Variants in AFF4 observed in about 807,000 individuals in gnomAD.
AFF4 encodes the protein AF4/FMR2 family member 4.
In AFF4, 13 loss-of-function variants were observed where a neutral mutation model predicts 124.8. The ratio of observed to expected loss-of-function variants is 0.10; its 90% CI spans 0.07 to 0.17. AFF4 has a LOEUF of 0.17. Among genes scored for constraint, AFF4 ranks in the 10% least tolerant of loss-of-function variants. The probability of loss-of-function intolerance (pLI) is 1.00; values close to 1 mark genes in which losing one functional copy is unlikely to be tolerated. For synonymous variants in AFF4, 477 were observed against 496.1 expected (o/e 0.96, Z 0.51); for missense variants, 1,092 against 1,403.8 (o/e 0.78, Z 3.55).
chr5:132,875,422 T>G lies in AFF4; in HGVS notation c.*5637A>C, dbSNP rs2150056935. 1 of 179,806 alleles carries G rather than the reference T, an allele frequency of 5.6e-6. No individual in the cohort carries two copies. The highest frequency in any genetic ancestry group is 9.2e-5 in the East Asian group (1 of 10,884). 11.1% of individuals were successfully genotyped at this position (179,806 alleles called of 1,614,324 possible). The stretch of plus-strand genomic sequence containing the variant: ...TAATACAGAAAATCTATTTGATATT[T>G]ATTAAACTTAGTTTCTCCAACTATG... On this transcript the variant is annotated 3_prime_UTR_variant, in exon 21 of 21. Transcript: ENST00000265343.
intron 1 of AFF4, among the ~76,000 whole-genome samples, chr5:132,962,774 T>C (rs546789384): frequency 6.6e-6 from 1 of 150,750 alleles, no homozygotes; most frequent in Admixed American, 6.6e-5. Flanking sequence ...GTCAATCCCC[T>C]TCGCAAGTCG....
intron 20 of AFF4, 115 bp downstream of exon 20, chr5:132,883,225 T>G: frequency 1.0e-6 from 1 of 995,168 alleles, no homozygotes; most frequent in Non-Finnish European, 1.5e-6. Flanking sequence ...AACAAACAGA[T>G]TATCATTAAC....
In AFF4 at chr5:132,952,299, TTC is replaced by T. The variant is rs1318139938; in HGVS notation, c.-5+10958_-5+10959del. Among the ~76,000 whole-genome samples, 5 of 152,234 alleles carry T rather than the reference TTC, an allele frequency of 3.3e-5. No individual in the cohort carries two copies. The South Asian group carries it at 6.2e-4, about 19-fold the overall frequency. On this transcript the variant is annotated intron_variant, in intron 1 of 20. Transcript: ENST00000265343. ...ACATTCTGTTTCCAATTTCCCAACA[TTC>T]TGTTTCCGATTTCCCACATCATATT...
At position 132,896,648 on chromosome 5, in the gene AFF4, G is replaced by T; in HGVS notation, c.1982C>A (p.Pro661His). 6.2e-7 allele frequency: 1 copy of T among 1,614,022 alleles called. No homozygotes were observed. The highest frequency in any genetic ancestry group is 8.5e-7 in the Non-Finnish European group (1 of 1,179,966). The change falls in exon 11 of 21, where the codon CCT (proline) becomes CAT (histidine). Residue 661 changes from proline (P) to histidine (H), a missense_variant. Coordinates refer to ENST00000265343, the MANE Select transcript of AFF4 (RefSeq NM_014423.4). ...GGGGTACTTAGGAGTTTGTGAGGAA[G>T]GAGGAAGGCTCTCACTTTCATCTGA... ...SDSDESESLP[P>H]SSQTPKYPES...
rs758618045 is a variant in AFF4 at position 132,934,515 on chromosome 5, G to A, written c.550C>T (p.Pro184Ser). ...SKSRSSSPGK[P>S]QAVSSLNSSH... Reference sequence around the variant, plus strand: ...GAGTTTAATGAAGAAACAGCCTGGGGTTTTCCAGGGCTGGAAGAACGTGAT... The same window carrying A: ...GAGTTTAATGAAGAAACAGCCTGGGATTTTCCAGGGCTGGAAGAACGTGAT... The change falls in exon 3 of 21, where the codon CCC becomes TCC. Residue 184 changes from proline to serine, a missense_variant. This residue lies in a region of AFF4 where 188 missense variants were observed against 203.0 expected (regional missense o/e 0.93). Coordinates refer to ENST00000265343, the MANE Select transcript of AFF4 (RefSeq NM_014423.4). 1.2e-6 allele frequency: 2 copies of A among 1,614,164 alleles called. No homozygotes were observed. Among genetic ancestry groups the A allele is most frequent in the South Asian group, 1.1e-5 (1 of 91,084 alleles).
intron 7 of AFF4, 97 bp downstream of exon 7, chr5:132,902,345 G>A (rs1581284559): frequency 2.9e-6 from 3 of 1,038,344 alleles, no homozygotes; most frequent in African/African-American, 1.6e-5. Flanking sequence ...ACCCTGCCCA[G>A]CCTCAATATT....
rs79144804 is a variant in AFF4, at chr5:132,906,638, G to A, written c.1051-2234C>T. ...AGGGAAAGAGGGATAACAGCTAAAGGGTACAGTTTCTTTTTGAGTTGATGA... is the reference window on the plus strand; with the variant it reads ...AGGGAAAGAGGGATAACAGCTAAAGAGTACAGTTTCTTTTTGAGTTGATGA... On this transcript the variant is annotated intron_variant, in intron 5 of 20. Coordinates refer to ENST00000265343, the MANE Select transcript of AFF4 (RefSeq NM_014423.4). 9.1e-3 allele frequency among the ~76,000 whole-genome samples: 1,390 copies of A among 151,992 alleles called. 15 individuals carry two copies. The highest frequency in any genetic ancestry group is 0.029 in the African/African-American group (1,184 of 41,476).
chr5:132,896,444 T>C lies in AFF4; in HGVS notation c.2186A>G (p.Lys729Arg), dbSNP rs200153226. The C allele has an allele frequency of 6.2e-7, 1 of 1,614,230 alleles. No individual in the cohort carries two copies. Among genetic ancestry groups the C allele is most frequent in the Non-Finnish European group, 8.5e-7 (1 of 1,180,030 alleles). ...GGGCGGCTCTGTTTCTTTGTAAGGC[T>C]TTCCTGGTATTCTAGTCAAAAGATT... ...DLNLLTRIPG[K>R]PYKETEPPKG... Residue 729 changes from lysine (K) to arginine (R), a missense_variant, in exon 11 of 21, where the codon AAG becomes AGG. By Grantham distance (26) the Lys-to-Arg change is conservative. Transcript: ENST00000265343.
At position 132,948,972 on chromosome 5, in the gene AFF4, A is replaced by C. The variant is rs188338908; in HGVS notation, c.-4-11779T>G. Among the ~76,000 whole-genome samples the C allele has an allele frequency of 5.9e-5, 9 of 152,060 alleles. No individual in the cohort carries two copies. The South Asian group carries it at 6.2e-4, about 11-fold the overall frequency. On this transcript the variant is annotated intron_variant, in intron 1 of 20. Coordinates refer to ENST00000265343, the MANE Select transcript of AFF4 (RefSeq NM_014423.4). The stretch of plus-strand genomic sequence containing the variant: ...TGCTGATTCCACACAATGTTTATGG[A>C]CTCTTCCAAGACAGAAGATGCTCTC...
Position 132,904,405 on chromosome 5 carries a change from C to T in AFF4, c.1051-1G>A. 6.2e-7 allele frequency: 1 copy of T among 1,606,160 alleles called. No individual in the cohort carries two copies. The highest frequency in any genetic ancestry group is 8.5e-7 in the Non-Finnish European group (1 of 1,176,900). On this transcript the variant is annotated splice_acceptor_variant, in intron 5 of 20. Transcript: ENST00000265343. LOFTEE classifies it high-confidence loss of function. The stretch of plus-strand genomic sequence containing the variant: ...TGCCAAAATTGGACTGCTGAGACTC[C>T]TAAGAAAAAGGAACATAAAATTATA...
At chr5:132,910,009 T>C (rs1760757074) in intron 5 of AFF4, among the ~76,000 whole-genome samples, 1 of 152,338 alleles carries the variant, frequency 6.6e-6, no homozygotes, top group Admixed American at 6.5e-5. Context: ...CAACTACACA[T>C]CCAATTAAAC....
At chr5:132,942,460 C>CTTT (rs35994411) in intron 1 of AFF4, among the ~76,000 whole-genome samples, 1 of 134,102 alleles carries the variant, frequency 7.5e-6, no homozygotes, top group Non-Finnish European at 1.6e-5. Context: ...TCCTTTTGAC[C>CTTT]TTTTTTTTTT....
chr5:132,879,838 T>C lies in AFF4; in HGVS notation c.*1221A>G, dbSNP rs1759929156. On this transcript the variant is annotated 3_prime_UTR_variant, in exon 21 of 21. Transcript: ENST00000265343. ...TCAAGTTAGGTACACTTTTCTAGTG[T>C]GAAATTTTCTGATTCCATCAGAAAC... 1 of 235,164 alleles carries C rather than the reference T, an allele frequency of 4.3e-6. No individual in the cohort carries two copies. Among genetic ancestry groups the C allele is most frequent in the South Asian group, 1.8e-4 (1 of 5,556 alleles). 14.6% of individuals were successfully genotyped at this position (235,164 alleles called of 1,614,324 possible). A position where few individuals can be genotyped will look rare whatever the true frequency, so the allele number is the denominator to read the frequency against.
At chr5:132,929,589 T>C (rs895192065) in intron 4 of AFF4, among the ~76,000 whole-genome samples, 2 of 152,132 alleles carry the variant, frequency 1.3e-5, no homozygotes, top group African/African-American at 4.8e-5. Flanking sequence ...AAAAAAAATC[T>C]ATATATAACT....
rs780974502 is a variant in AFF4, at chr5:132,892,201, GTCT to G, written c.2597_2599del (p.Lys866del). The G allele has an allele frequency of 1.5e-5, 24 of 1,613,922 alleles. No homozygotes were observed. Among genetic ancestry groups the G allele is most frequent in the South Asian group, 2.2e-5 (2 of 91,080 alleles). On this transcript the variant is annotated inframe_deletion, in exon 13 of 21. Transcript: ENST00000265343. ...GGAGCTACTGGAAGTCTTCCCTTCG[GTCT>G]TCTTCTGCTTTGATGTGGAGGAACT...
chr5:132,937,027 A>G, intron 2 of AFF4, 40 bp downstream of exon 2: 1 of 1,571,668 alleles, frequency 6.4e-7, no homozygotes, highest in Non-Finnish European at 8.7e-7. Context: ...CAAAAATGTC[A>G]TGCTAATGGG....
In AFF4 at chr5:132,896,667, C is replaced by T; in HGVS notation, c.1963G>A (p.Glu655Lys). The change falls in exon 11 of 21, where the codon GAA becomes AAA. Residue 655 changes from glutamate (E) to lysine (K), a missense_variant. Glu to Lys is a moderately conservative substitution (Grantham distance 56, BLOSUM62 1). Coordinates refer to ENST00000265343, the MANE Select transcript of AFF4 (RefSeq NM_014423.4). ...GAGGAAGGAGGAAGGCTCTCACTTT[C>T]ATCTGAATCTGAGGATGAGGTATCT... ...ETDTSSSDSDESESLPPSSQT... is the reference protein window; with the variant it reads ...ETDTSSSDSDKSESLPPSSQT... 1.2e-6 allele frequency: 2 copies of T among 1,614,036 alleles called. No homozygotes were observed. Among genetic ancestry groups the T allele is most frequent in the Non-Finnish European group, 1.7e-6 (2 of 1,179,978 alleles).
Position 132,879,261 on chromosome 5 carries a change from A to G in AFF4, c.*1798T>C. On this transcript the variant is annotated 3_prime_UTR_variant, in exon 21 of 21. Coordinates refer to ENST00000265343, the MANE Select transcript of AFF4 (RefSeq NM_014423.4). ...TCAGAAATAAGTGTAAAAAAGTCTCAAACACAAAGGATTCACTGCACTACT... is the reference window on the plus strand; with the variant it reads ...TCAGAAATAAGTGTAAAAAAGTCTCGAACACAAAGGATTCACTGCACTACT... 1 of 219,386 alleles carries G rather than the reference A, an allele frequency of 4.6e-6. No homozygotes were observed. The highest frequency in any genetic ancestry group is 9.2e-6 in the Non-Finnish European group (1 of 109,146). 13.6% of individuals were successfully genotyped at this position (219,386 alleles called of 1,614,324 possible). A position where few individuals can be genotyped will look rare whatever the true frequency, so the allele number is the denominator to read the frequency against.
chr5:132,950,115 A>G (rs1761805502), intron 1 of AFF4, among the ~76,000 whole-genome samples: 1 of 149,440 alleles, frequency 6.7e-6, no homozygotes, highest in Non-Finnish European at 1.5e-5. Context: ...GCCGATCACG[A>G]GGTCAGGAGT....
Sources: allele counts gnomAD v4.1 joint callset (sites outside exome capture counted in the v4.1 genomes callset), GRCh38; gene constraint gnomAD v4.1.1; regional missense constraint gnomAD v4.1.1; transcripts MANE v1.5; gene names NCBI Gene and HGNC (gene_info 2026-07-23, HGNC 2026-07-21).